Variants in ZNF677 observed in about 807,000 individuals in gnomAD.
ZNF677 encodes zinc finger protein 677, also known as hypothetical protein MGC48625.
In ZNF677, 5 loss-of-function variants were observed where a neutral mutation model predicts 8.1. That is an observed-to-expected ratio of 0.62 (90% CI 0.32 to 1.29). The LOEUF (loss-of-function observed/expected upper bound fraction) is 1.29, where lower values mean the gene tolerates loss of function less well. Among genes scored for constraint, ZNF677 ranks in the 50% most tolerant of loss-of-function variants. The pLI, the probability that ZNF677 is intolerant of heterozygous loss-of-function variation, is 0.05. For missense variants in ZNF677, 685 were observed against 685.9 expected, an observed-to-expected ratio of 1.00 and a Z score of 0.01; for synonymous variants, 221 against 225.6, an observed-to-expected ratio of 0.98 and a Z score of 0.18.
intron 2 of ZNF677, 66 bp from the exon 3 acceptor site, chr19:53,251,671 C>T: frequency 8.7e-7 from 1 of 1,149,106 alleles, no homozygotes; most frequent in Non-Finnish European, 1.3e-6. Flanking sequence ...ACCACACACA[C>T]ACAGGAAGAG....
chr19:53,240,515 G>A (rs759540823), intron 4 of ZNF677: 1 of 152,362 alleles, frequency 6.6e-6, no homozygotes, highest in Non-Finnish European at 1.5e-5. Flanking sequence ...CAAAGTGCTG[G>A]GATTACAGGC....
intron 4 of ZNF677, chr19:53,241,821 A>T: frequency 2.5e-6 from 1 of 398,662 alleles, no homozygotes. Flanking sequence ...TCTGTCACCA[A>T]GGAAACCTCT....
At position 53,238,197 on chromosome 19, in the gene ZNF677, CTTA is replaced by C. The variant is rs766937929; in HGVS notation, c.527_529del (p.Ile176del). 6.2e-7 allele frequency: 1 copy of C among 1,613,696 alleles called. No homozygotes were observed. The highest frequency in any genetic ancestry group is 2.2e-5 in the East Asian group (1 of 44,820). On this transcript the variant is annotated inframe_deletion, in exon 5 of 5. Coordinates refer to ENST00000598513, the MANE Select transcript of ZNF677 (RefSeq NM_182609.4). ...CTTCACGTATTTGTTTCCGGCATACCTTATGTTATTTTTCAGTTTTAACAAATT... is the reference window on the plus strand; with the variant it reads ...CTTCACGTATTTGTTTCCGGCATACCTGTTATTTTTCAGTTTTAACAAATT...
At position 53,243,824 on chromosome 19, in the gene ZNF677, C is replaced by T. The variant is rs753328801; in HGVS notation, c.89G>A (p.Arg30Lys). 20 of 1,614,146 alleles carry T rather than the reference C, an allele frequency of 1.2e-5. No homozygotes were observed. Among genetic ancestry groups the T allele is most frequent in the Non-Finnish European group, 1.7e-5 (20 of 1,180,020 alleles). The change falls in exon 4 of 5, where the codon AGG becomes AAG. Residue 30 changes from arginine (R) to lysine (K), a missense_variant. Arg to Lys is a conservative substitution (Grantham distance 26, BLOSUM62 2). Coordinates refer to ENST00000598513, the MANE Select transcript of ZNF677 (RefSeq NM_182609.4). Reference sequence around the variant, plus strand: ...CAACATCACGTCCCTGTACAAGGCCCTCTGGGCAGGGTCCAGGCACTCCCA... The same window carrying T: ...CAACATCACGTCCCTGTACAAGGCCTTCTGGGCAGGGTCCAGGCACTCCCA... ...EEWECLDPAQ[R>K]ALYRDVMLEN...
Position 53,251,530 on chromosome 19 carries a change from T to C in ZNF677, c.15+6A>G. The stretch of plus-strand genomic sequence containing the variant: ...CAAAACAGTGAACCAAGAATATAAC[T>C]TTTACCTGAGAAAGAGCCATTCCCT... On this transcript the variant is annotated splice_donor_region_variant and intron_variant, in intron 3 of 4. Transcript: ENST00000598513. 1 of 1,613,334 alleles carries C rather than the reference T, an allele frequency of 6.2e-7. No individual in the cohort carries two copies. Among genetic ancestry groups the C allele is most frequent in the Non-Finnish European group, 8.5e-7 (1 of 1,179,300 alleles).
chr19:53,248,309 A>G (rs890158047), intron 3 of ZNF677, among the ~76,000 whole-genome samples: 11 of 152,216 alleles, frequency 7.2e-5, no homozygotes, highest in African/African-American at 2.4e-4. Flanking sequence ...ACAGATTTAC[A>G]ATTACTGTTT....
Position 53,238,059 on chromosome 19 carries a change from CT to C in ZNF677, c.667del (p.Ser223ValfsTer22). On this transcript the variant is annotated frameshift_variant, in exon 5 of 5. Transcript: ENST00000598513. LOFTEE classifies it low-confidence loss of function (END_TRUNC). ...AGGAGGAAGTGGTGAAACTGAGGAA[CT>C]ATTGATAGACTTCTCAACTGGATTA... is the stretch of plus-strand genomic sequence containing the variant. ...ECNPVEKSIN[S>X]SSVSPLPPCV... is the part of the protein sequence containing the mutation. 6.2e-7 allele frequency: 1 copy of C among 1,614,022 alleles called. No homozygotes were observed. The highest frequency in any genetic ancestry group is 1.1e-5 in the South Asian group (1 of 91,068).
At chr19:53,250,073 T>C (rs1027131411) in intron 3 of ZNF677, among the ~76,000 whole-genome samples, 20 of 152,070 alleles carry the variant, frequency 1.3e-4, no homozygotes, top group Non-Finnish European at 2.4e-4. Context: ...GATTTCACCA[T>C]GTTGGTCAGG....
At chr19:53,251,729 G>T in intron 2 of ZNF677, 124 bp from the exon 3 acceptor site, 1 of 638,808 alleles carries the variant, frequency 1.6e-6, no homozygotes, top group Admixed American at 3.2e-5. Flanking sequence ...TGCAACAAGA[G>T]TGAAAATAAA....
At chr19:53,239,645 A>C (rs7260260) in intron 4 of ZNF677, 52,273 of 151,928 alleles carry the variant, frequency 0.34, 11,228 homozygotes, top group African/African-American at 0.61. Flanking sequence ...AGATATAATG[A>C]AGGCAAAGGT....
Position 53,244,700 on chromosome 19 carries a change from C to T in ZNF677, c.16-803G>A, listed in dbSNP as rs118051085. Among the ~76,000 whole-genome samples the T allele has an allele frequency of 3.4e-3, 523 of 152,276 alleles. 3 individuals are homozygous for T. Among genetic ancestry groups the T allele is most frequent in the Non-Finnish European group, 5.5e-3 (372 of 68,012 alleles). ...TATCCAAAGCAATCTACAGTCAATG[C>T]AATCCCTATCAAAATCACAGTGACA... On this transcript the variant is annotated intron_variant, in intron 3 of 4. Transcript: ENST00000598513.
Position 53,237,033 on chromosome 19 carries a change from TA to T in ZNF677, c.1693del (p.Tyr565IlefsTer48). The T allele has an allele frequency of 6.2e-7, 1 of 1,603,562 alleles. No homozygotes were observed. The highest frequency in any genetic ancestry group is 1.1e-5 in the South Asian group (1 of 88,570). Reference protein sequence around the residue: ...SSNLGDHQKSYNREKHIKYNE... With the variant: ...SSNLGDHQKSXNREKHIKYNE... Reference sequence around the variant, plus strand: ...ATATTTGATATGTTTTTCTCTATTATAACTTTTTTGATGATCTCCAAGGTTT... The same window carrying T: ...ATATTTGATATGTTTTTCTCTATTATACTTTTTTGATGATCTCCAAGGTTT... On this transcript the variant is annotated frameshift_variant, in exon 5 of 5. Coordinates refer to ENST00000598513, the MANE Select transcript of ZNF677 (RefSeq NM_182609.4). LOFTEE classifies it low-confidence loss of function (END_TRUNC).
chr19:53,236,369 A>G lies in ZNF677; in HGVS notation c.*603T>C, dbSNP rs1362293446. 1.3e-5 allele frequency: 2 copies of G among 152,224 alleles called. No homozygotes were observed. Among genetic ancestry groups the G allele is most frequent in the Non-Finnish European group, 2.9e-5 (2 of 68,038 alleles). The allele number at this position is 152,224 out of a possible 1,614,324, so 9.4% of individuals were successfully genotyped here. ...TAACAGCAACAGATTTCATACTTTT[A>G]AAAATATGAAATAACTGAATAAAAA... On this transcript the variant is annotated 3_prime_UTR_variant, in exon 5 of 5. Coordinates refer to ENST00000598513, the MANE Select transcript of ZNF677 (RefSeq NM_182609.4).
intron 2 of ZNF677, among the ~76,000 whole-genome samples, chr19:53,252,858 GCTAATCGCACCCC>G (rs2091256554): frequency 6.6e-6 from 1 of 152,112 alleles, no homozygotes; most frequent in Non-Finnish European, 1.5e-5. Context: ...GTGATGGGGT[GCTAATCGCACCCC>G]ACCTCCAGTC....
At chr19:53,243,381 A>G in intron 4 of ZNF677, 1 of 336,340 alleles carries the variant, frequency 3.0e-6, no homozygotes, top group Non-Finnish European at 5.4e-6. Flanking sequence ...CAATTTCATA[A>G]ATTAGTCAAC....
At chr19:53,251,929 T>A (rs903388197) in intron 2 of ZNF677, among the ~76,000 whole-genome samples, 2 of 152,178 alleles carry the variant, frequency 1.3e-5, no homozygotes, top group African/African-American at 2.4e-5. Context: ...TGTCAGTCAA[T>A]GCAGGATATA....
At chr19:53,242,435 G>A (rs189792684) in intron 4 of ZNF677, 384 of 398,584 alleles carry the variant, frequency 9.6e-4, no homozygotes, top group African/African-American at 7.3e-3. Context: ...GCTGCAAGGT[G>A]AGAACCTAAA....
rs1568686002 is a variant in ZNF677 at position 53,235,504 on chromosome 19, C to T, written c.*1468G>A. On this transcript the variant is annotated 3_prime_UTR_variant, in exon 5 of 5. Coordinates refer to ENST00000598513, the MANE Select transcript of ZNF677 (RefSeq NM_182609.4). ...ATGTGAATCCCCTATAAGAACACTA[C>T]TCTGGTTCTTTTGATGGAACTGTCC... 1 of 152,176 alleles carries T rather than the reference C, an allele frequency of 6.6e-6. No individual in the cohort carries two copies. Among genetic ancestry groups the T allele is most frequent in the Non-Finnish European group, 1.5e-5 (1 of 68,028 alleles). The allele number at this position is 152,176 out of a possible 1,614,324, so 9.4% of individuals were successfully genotyped here.
intron 3 of ZNF677, 38 bp downstream of exon 3, chr19:53,251,498 G>C (rs764059865): frequency 1.3e-6 from 2 of 1,574,068 alleles, no homozygotes; most frequent in Admixed American, 3.3e-5. Flanking sequence ...TTTCAGGAAG[G>C]AGAGGACAAA....
Sources: gnomAD v4.1 joint callset for allele counts (sites outside exome capture counted in the v4.1 genomes callset) on GRCh38, gnomAD v4.1.1 for gene constraint, MANE v1.5 for transcripts, NCBI Gene and HGNC (gene_info 2026-07-23, HGNC 2026-07-21) for gene names.